The following AMZ1 variants were observed in gnomAD, a reference collection of about 807,000 sequenced individuals.
AMZ1 encodes the protein archaelysin family metallopeptidase 1, also known as archaemetzincin-1.
Under a neutral mutation model 29.9 loss-of-function variants are expected in AMZ1, and 39 were observed. That is an observed-to-expected ratio of 1.30 (90% CI 1.01 to 1.70). AMZ1 has a LOEUF of 1.70. Ranked by LOEUF, AMZ1 falls within the 40% of genes most tolerant of loss-of-function variation. The pLI is 0.00. For synonymous variants in AMZ1, 458 were observed against 304.0 expected (o/e 1.51, Z -5.27); for missense variants, 1,041 against 680.6 (o/e 1.53, Z -5.89).
chr7:2,699,135 T>G (rs754344086), intron 1 of AMZ1, among the ~76,000 whole-genome samples: 1 of 152,170 alleles, frequency 6.6e-6, no homozygotes, highest in Non-Finnish European at 1.5e-5. Context: ...TGCTTTTATC[T>G]GTTCTGCGAG....
At position 2,712,726 on chromosome 7, in the gene AMZ1, G is replaced by A. The variant is rs774874450; in HGVS notation, c.1345G>A (p.Ala449Thr). 3 of 1,608,682 alleles carry A rather than the reference G, an allele frequency of 1.9e-6. No homozygotes were observed. The highest frequency in any genetic ancestry group is 1.7e-6 in the Non-Finnish European group (2 of 1,177,398). Residue 449 changes from alanine to threonine, a missense_variant, in exon 7 of 7, where the codon GCC becomes ACC. Coordinates refer to ENST00000683327, the MANE Select transcript of AMZ1 (RefSeq NM_001384743.1). ...GGAGATGTTCACGGGCCAGCTCCCG[G>A]CCACCAGGCAGGACCCACCCAGCAG... ...RWEMFTGQLP[A>T]TRQDPPSSRD...
rs1787974333 is a variant in AMZ1 at position 2,700,354 on chromosome 7, C to T, written c.-98C>T. On this transcript the variant is annotated 5_prime_UTR_variant, in exon 2 of 7. Transcript: ENST00000683327. ...AGCCCCCGGTAGCCACTCGGATCAG[C>T]CCGAGGGAAGATTCTGGACGAGACC... 3 of 1,409,092 alleles carry T rather than the reference C, an allele frequency of 2.1e-6. No individual in the cohort carries two copies. The highest frequency in any genetic ancestry group is 2.9e-5 in the African/African-American group (2 of 69,940). 87.3% of individuals were successfully genotyped at this position (1,409,092 alleles called of 1,614,324 possible). A position where few individuals can be genotyped will look rare whatever the true frequency, so the allele number is the denominator to read the frequency against.
chr7:2,764,447 C>T (rs796923032), upstream of AMZ1, among the ~76,000 whole-genome samples: 2 of 152,152 alleles, frequency 1.3e-5, no homozygotes, highest in African/African-American at 2.4e-5. Flanking sequence ...GTTGAGATTC[C>T]GTATGAAGTC....
chr7:2,763,191 A>AACACACACACACACACACACACAC (rs56384682), upstream of AMZ1: 135 of 222,716 alleles, frequency 6.1e-4, 2 homozygotes, highest in African/African-American at 2.3e-3. Context: ...AAGACACCCC[A>AACACACACACACACACACACACAC]ACACACACAC....
At chr7:2,740,446 A>G (rs879853893) in intron 4 of AMZ1, among the ~76,000 whole-genome samples, 1 of 152,162 alleles carries the variant, frequency 6.6e-6, no homozygotes, top group Non-Finnish European at 1.5e-5. Context: ...GCAAGCGAGG[A>G]AGACAGCCCT....
chr7:2,698,128 C>G (rs62439536), intron 1 of AMZ1, among the ~76,000 whole-genome samples: 19,877 of 152,150 alleles, frequency 0.13, 1,710 homozygotes, highest in East Asian at 0.4. Flanking sequence ...AGGCGTGGTA[C>G]GTATGCCCAT....
upstream of AMZ1, among the ~76,000 whole-genome samples, chr7:2,759,771 G>C (rs79690498): frequency 3.8e-3 from 576 of 152,302 alleles, 2 homozygotes; most frequent in Non-Finnish European, 6.5e-3. Context: ...ACAGACTGAA[G>C]GCCATGAAAA....
intron 1 of AMZ1, among the ~76,000 whole-genome samples, chr7:2,696,257 A>ATTTTTT (rs527280174): frequency 8.2e-6 from 1 of 122,056 alleles, no homozygotes; most frequent in Non-Finnish European, 1.7e-5. Flanking sequence ...CTTGATAGTC[A>ATTTTTT]TTTTTTTTTT....
chr7:2,721,329 C>T (rs1030218345), downstream of AMZ1, among the ~76,000 whole-genome samples: 16 of 152,196 alleles, frequency 1.1e-4, no homozygotes, highest in African/African-American at 2.7e-4. Context: ...GCCTCTGCTT[C>T]GGGAAAGGTG....
upstream of AMZ1, among the ~76,000 whole-genome samples, chr7:2,683,729 C>T (rs573199314): frequency 5.3e-5 from 8 of 152,186 alleles, no homozygotes; most frequent in East Asian, 3.9e-4. Context: ...CGAGCCACCG[C>T]GCCCAGCTCT....
intron 1 of AMZ1, among the ~76,000 whole-genome samples, chr7:2,690,408 CG>C (rs1181369549): frequency 1.3e-5 from 2 of 152,110 alleles, no homozygotes; most frequent in African/African-American, 4.8e-5. Flanking sequence ...TTTGTAGAGA[CG>C]GGGTTTTGCC....
At chr7:2,734,834 G>C (rs972053103) in intron 4 of AMZ1, among the ~76,000 whole-genome samples, 4 of 152,190 alleles carry the variant, frequency 2.6e-5, no homozygotes, top group Non-Finnish European at 5.9e-5. Flanking sequence ...TGCACCTCGT[G>C]ACCACCGGCT....
At chr7:2,737,272 T>C (rs1009143114) in intron 4 of AMZ1, among the ~76,000 whole-genome samples, 1 of 54,808 alleles carries the variant, frequency 1.8e-5, no homozygotes, top group Non-Finnish European at 4.0e-5. Flanking sequence ...CAGTTTTGTT[T>C]TGTTTTTTTT....
intron 1 of AMZ1, among the ~76,000 whole-genome samples, chr7:2,691,333 A>C (rs1787374702): frequency 6.8e-6 from 1 of 147,942 alleles, no homozygotes; most frequent in Non-Finnish European, 1.5e-5. Flanking sequence ...GTCAAGATCC[A>C]GGTGAGCTGT....
chr7:2,709,474 C>T (rs12530852), intron 5 of AMZ1, among the ~76,000 whole-genome samples, 166 bp from the exon 6 acceptor site: 28,306 of 152,170 alleles, frequency 0.19, 3,340 homozygotes, highest in East Asian at 0.56. Flanking sequence ...CCCTGGGGCC[C>T]TGAAAGTGGC....
intron 3 of AMZ1, among the ~76,000 whole-genome samples, chr7:2,704,564 C>G (rs1479726817): frequency 1.5e-5 from 1 of 65,350 alleles, no homozygotes; most frequent in African/African-American, 6.5e-5. Context: ...CCAGTGGATT[C>G]TTTTTGAAAT....
In AMZ1 at chr7:2,714,612, A is replaced by G. The variant is rs1789011359; in HGVS notation, c.*1734A>G. On this transcript the variant is annotated 3_prime_UTR_variant, in exon 7 of 7. Transcript: ENST00000683327. ...AGCCTGGTGGCTGTTGCTGCAAACA[A>G]CCACCCAAAACTTAGTGGCTTAAAA... 1 of 152,162 alleles carries G rather than the reference A, an allele frequency of 6.6e-6. No individual in the cohort carries two copies. 9.4% of individuals were successfully genotyped at this position (152,162 alleles called of 1,614,324 possible). A position where few individuals can be genotyped will look rare whatever the true frequency, so the allele number is the denominator to read the frequency against.
Position 2,709,506 on chromosome 7 carries a change from G to A in AMZ1, c.772-134G>A, listed in dbSNP as rs549636747. ...TGGCCTGTGCCGCCTGGGGCAGGGGGAGGGCGCCTGGACCACCTCCCGGCC... is the reference window on the plus strand; with the variant it reads ...TGGCCTGTGCCGCCTGGGGCAGGGGAAGGGCGCCTGGACCACCTCCCGGCC... On this transcript the variant is annotated intron_variant, in intron 5 of 6. Transcript: ENST00000683327. 1.5e-5 allele frequency: 21 copies of A among 1,363,278 alleles called. No individual in the cohort carries two copies. In the East Asian group the frequency reaches 4.3e-4, roughly 28 times the overall value. 84.4% of individuals were successfully genotyped at this position (1,363,278 alleles called of 1,614,324 possible).
At chr7:2,756,528 T>C (rs1385090655) in intron 4 of AMZ1, among the ~76,000 whole-genome samples, 4 of 151,874 alleles carry the variant, frequency 2.6e-5, no homozygotes, top group Admixed American at 2.6e-4. Context: ...GGCAGGAAGA[T>C]CTCTTGAGCC....
Sources: gnomAD v4.1 joint callset for allele counts (sites outside exome capture counted in the v4.1 genomes callset) on GRCh38, gnomAD v4.1.1 for gene constraint, MANE v1.5 for transcripts, NCBI Gene and HGNC (gene_info 2026-07-23, HGNC 2026-07-21) for gene names.